The following NAALADL2 variants were observed in gnomAD, a reference collection of about 807,000 sequenced individuals.
NAALADL2 encodes the protein inactive N-acetylated-alpha-linked acidic dipeptidase-like protein 2.
Under a neutral mutation model 87.2 loss-of-function variants are expected in NAALADL2, and 76 were observed. That is an observed-to-expected ratio of 0.87 (90% CI 0.72 to 1.05). The LOEUF is 1.05. Among genes scored for constraint, NAALADL2 ranks in the 50% least tolerant of loss-of-function variants. NAALADL2 has a pLI of 0.00. For synonymous variants in NAALADL2, 354 were observed against 331.0 expected (o/e 1.07, Z -0.75); for missense variants, 1,089 against 945.8 (o/e 1.15, Z -1.99).
At chr3:175,698,715 G>A (rs1477213475) in intron 11 of NAALADL2, among the ~76,000 whole-genome samples, 1 of 151,500 alleles carries the variant, frequency 6.6e-6, no homozygotes, top group Non-Finnish European at 1.5e-5. Flanking sequence ...AGTTATTTAA[G>A]TTAAAGACAT....
intron 4 of NAALADL2, among the ~76,000 whole-genome samples, chr3:175,300,998 G>A (rs1757017555): frequency 4.0e-5 from 6 of 151,888 alleles, no homozygotes; most frequent in South Asian, 2.1e-4. Context: ...CAGGTGATCC[G>A]CCTGCCTCAG....
intron 3 of NAALADL2, among the ~76,000 whole-genome samples, chr3:174,764,209 TA>T (rs1713470088): frequency 6.6e-6 from 1 of 152,260 alleles, no homozygotes; most frequent in Non-Finnish European, 1.5e-5. Context: ...GACCCAATGA[TA>T]ATTATTGTAC....
intron 9 of NAALADL2, among the ~76,000 whole-genome samples, chr3:175,541,786 G>A (rs1712380852): frequency 6.6e-6 from 1 of 152,116 alleles, no homozygotes; most frequent in Admixed American, 6.6e-5. Flanking sequence ...GCAGTGGCAT[G>A]ATCTCAGCTC....
chr3:175,551,756 G>A (rs902634649), intron 9 of NAALADL2, among the ~76,000 whole-genome samples: 1 of 151,910 alleles, frequency 6.6e-6, no homozygotes, highest in Non-Finnish European at 1.5e-5. Context: ...AAATTAGCCG[G>A]GCATGTTGGC....
intron 1 of NAALADL2, among the ~76,000 whole-genome samples, chr3:174,971,389 C>T (rs1743619144): frequency 6.6e-6 from 1 of 152,156 alleles, no homozygotes; most frequent in African/African-American, 2.4e-5. Context: ...TGCTTTCTAT[C>T]TTAAAGATGC....
At chr3:174,943,009 T>C (rs75006401) in intron 1 of NAALADL2, among the ~76,000 whole-genome samples, 1 of 152,340 alleles carries the variant, frequency 6.6e-6, no homozygotes, top group African/African-American at 2.4e-5. Context: ...TTTGTTTCTA[T>C]ACGTATTCCA....
At chr3:175,543,686 C>T (rs1016797840) in intron 9 of NAALADL2, among the ~76,000 whole-genome samples, 5 of 152,080 alleles carry the variant, frequency 3.3e-5, no homozygotes, top group African/African-American at 4.8e-5. Context: ...TAACCACCCC[C>T]GTAATTCAAT....
At chr3:175,147,787 C>T (rs1050779710) in intron 2 of NAALADL2, among the ~76,000 whole-genome samples, 1 of 151,920 alleles carries the variant, frequency 6.6e-6, no homozygotes, top group African/African-American at 2.4e-5. Flanking sequence ...TACCCATTTT[C>T]GGCCAGGCGT....
At chr3:175,562,574 G>T (rs1263876138) in intron 9 of NAALADL2, among the ~76,000 whole-genome samples, 1 of 151,570 alleles carries the variant, frequency 6.6e-6, no homozygotes, top group Admixed American at 6.6e-5. Flanking sequence ...TATCTAATGA[G>T]TTTATATAGA....
chr3:174,883,742 A>T (rs936078816), intron 1 of NAALADL2, among the ~76,000 whole-genome samples: 8 of 152,126 alleles, frequency 5.3e-5, no homozygotes, highest in Non-Finnish European at 1.2e-4. Flanking sequence ...TGCCTTCAGC[A>T]AGCACCTCAG....
chr3:175,442,944 A>G (rs1401174108), intron 5 of NAALADL2, among the ~76,000 whole-genome samples: 1 of 152,198 alleles, frequency 6.6e-6, no homozygotes, highest in East Asian at 1.9e-4. Flanking sequence ...TATCTAATGG[A>G]TTCTTATAGT....
chr3:175,453,246 C>T (rs1246739997), intron 6 of NAALADL2, among the ~76,000 whole-genome samples: 1 of 152,084 alleles, frequency 6.6e-6, no homozygotes, highest in African/African-American at 2.4e-5. Context: ...AATCCATTAG[C>T]GTACACCCTA....
At chr3:175,162,007 C>G (rs1733297053) in intron 2 of NAALADL2, among the ~76,000 whole-genome samples, 1 of 152,128 alleles carries the variant, frequency 6.6e-6, no homozygotes, top group Non-Finnish European at 1.5e-5. Flanking sequence ...TGTTTTATCA[C>G]AGTTAGAGCA....
chr3:175,717,932 C>A (rs952330784), intron 11 of NAALADL2, among the ~76,000 whole-genome samples: 1 of 151,080 alleles, frequency 6.6e-6, no homozygotes, highest in Non-Finnish European at 1.5e-5. Flanking sequence ...GCCTCAGCCT[C>A]CAGAGAAGCT....
At chr3:174,828,807 G>C (rs187682314) in intron 3 of NAALADL2, among the ~76,000 whole-genome samples, 59 of 152,280 alleles carry the variant, frequency 3.9e-4, no homozygotes, top group African/African-American at 1.3e-3. Context: ...GACTTTCCTA[G>C]TTGGAGCTAC....
chr3:174,608,717 C>T (rs533083134), intron 2 of NAALADL2, among the ~76,000 whole-genome samples: 3 of 149,672 alleles, frequency 2.0e-5, no homozygotes, highest in East Asian at 1.9e-4. Flanking sequence ...GATTCACAGC[C>T]GAATTCTACC....
At chr3:175,087,717 A>C (rs889491294) in intron 1 of NAALADL2, among the ~76,000 whole-genome samples, 2 of 152,080 alleles carry the variant, frequency 1.3e-5, no homozygotes. Flanking sequence ...CAGCATGCTC[A>C]TTAAGAGTCA....
At chr3:175,201,684 C>A (rs1422261310) in intron 2 of NAALADL2, among the ~76,000 whole-genome samples, 1 of 151,716 alleles carries the variant, frequency 6.6e-6, no homozygotes, top group African/African-American at 2.4e-5. Context: ...TAACTTTGTA[C>A]ACTAATTTCC....
chr3:175,621,226 C>G (rs779548229), intron 10 of NAALADL2, among the ~76,000 whole-genome samples: 14 of 152,052 alleles, frequency 9.2e-5, no homozygotes, highest in Non-Finnish European at 1.3e-4. Context: ...CTGTCTCCTG[C>G]GCTATCATAC....
Sources: allele counts gnomAD v4.1 joint callset (sites outside exome capture counted in the v4.1 genomes callset), GRCh38; gene constraint gnomAD v4.1.1; transcripts MANE v1.5; gene names NCBI Gene and HGNC (gene_info 2026-07-23, HGNC 2026-07-21).